The following NLGN1 variants were observed in gnomAD, a reference collection of about 807,000 sequenced individuals.
The protein encoded by NLGN1 is neuroligin 1.
Under a neutral mutation model 65.5 loss-of-function variants are expected in NLGN1, and 12 were observed. The ratio of observed to expected loss-of-function variants is 0.18; its 90% CI spans 0.12 to 0.30. The LOEUF is 0.30. NLGN1 is among the 10% of genes least tolerant of loss of function. NLGN1 has a pLI of 1.00. For synonymous variants in NLGN1, 350 were observed against 359.5 expected (o/e 0.97, Z 0.30); for missense variants, 750 against 1,007.1 (o/e 0.74, Z 3.46).
At chr3:173,568,435 T>C (rs910584682) in intron 2 of NLGN1, among the ~76,000 whole-genome samples, 1 of 152,096 alleles carries the variant, frequency 6.6e-6, no homozygotes, top group Non-Finnish European at 1.5e-5. Flanking sequence ...AGTTTTGCCA[T>C]GTTGGCCAGG....
intron 4 of NLGN1, among the ~76,000 whole-genome samples, chr3:173,895,691 T>C (rs1440313679): frequency 2.1e-5 from 3 of 144,736 alleles, no homozygotes; most frequent in African/African-American, 5.4e-5. Context: ...CCAAGGACCC[T>C]TTTTTTTTTC....
chr3:173,611,620 G>A (rs2149472262), intron 3 of NLGN1, among the ~76,000 whole-genome samples: 1 of 152,072 alleles, frequency 6.6e-6, no homozygotes, highest in Admixed American at 6.6e-5. Context: ...GGACAGATGT[G>A]GTTATGTCTT....
chr3:173,924,699 CA>C (rs1742700639), intron 4 of NLGN1, among the ~76,000 whole-genome samples: 1 of 151,552 alleles, frequency 6.6e-6, no homozygotes, highest in Non-Finnish European at 1.5e-5. Context: ...TATAACATGC[CA>C]ATATTTACTG....
chr3:173,545,658 G>A (rs1394353006), intron 2 of NLGN1, among the ~76,000 whole-genome samples: 2 of 152,038 alleles, frequency 1.3e-5, no homozygotes, highest in African/African-American at 4.8e-5. Context: ...GTTTATTGCA[G>A]CACTGTTCAC....
At chr3:174,001,122 A>G (rs750550915) in intron 4 of NLGN1, among the ~76,000 whole-genome samples, 5 of 152,208 alleles carry the variant, frequency 3.3e-5, no homozygotes, top group Non-Finnish European at 7.3e-5. Context: ...AAAACATTCT[A>G]AAATATTTTT....
intron 4 of NLGN1, among the ~76,000 whole-genome samples, chr3:173,814,975 T>G (rs1383648811): frequency 6.6e-6 from 1 of 152,062 alleles, no homozygotes; most frequent in Non-Finnish European, 1.5e-5. Flanking sequence ...AGTTTCCATT[T>G]CTTTTTTTCT....
chr3:173,771,665 A>G (rs1313833484), intron 3 of NLGN1, among the ~76,000 whole-genome samples: 1 of 26,010 alleles, frequency 3.8e-5, no homozygotes, highest in Non-Finnish European at 1.4e-4. Context: ...ACAAATTACC[A>G]AGAATGACCT....
intron 4 of NLGN1, among the ~76,000 whole-genome samples, chr3:174,168,123 A>C (rs13321046): frequency 0.17 from 25,944 of 151,896 alleles, 4,574 homozygotes; most frequent in African/African-American, 0.45. Context: ...TCCTGGATTG[A>C]TTTAGAGGAT....
At chr3:173,525,634 C>T (rs1735524936) in intron 2 of NLGN1, among the ~76,000 whole-genome samples, 1 of 151,842 alleles carries the variant, frequency 6.6e-6, no homozygotes, top group South Asian at 2.1e-4. Flanking sequence ...TTTTCTTCTG[C>T]TAGCTTTGGG....
At chr3:173,474,078 A>G (rs1025195304) in intron 2 of NLGN1, among the ~76,000 whole-genome samples, 1 of 151,276 alleles carries the variant, frequency 6.6e-6, no homozygotes, top group Non-Finnish European at 1.5e-5. Flanking sequence ...TACTGGGTGT[A>G]TTTTTTTTTC....
At chr3:174,255,310 C>T (rs1256786852) in intron 4 of NLGN1, among the ~76,000 whole-genome samples, 1 of 151,630 alleles carries the variant, frequency 6.6e-6, no homozygotes, top group Non-Finnish European at 1.5e-5. Context: ...TGGCGGGCAC[C>T]TTGTAGTCCC....
intron 3 of NLGN1, among the ~76,000 whole-genome samples, chr3:173,737,575 G>A (rs1380170293): frequency 6.6e-6 from 1 of 152,006 alleles, no homozygotes; most frequent in African/African-American, 2.4e-5. Flanking sequence ...TCACATCATA[G>A]CATGTATCAG....
At chr3:173,677,379 A>G (rs1421586048) in intron 3 of NLGN1, among the ~76,000 whole-genome samples, 1 of 152,064 alleles carries the variant, frequency 6.6e-6, no homozygotes, top group African/African-American at 2.4e-5. Context: ...CCTTTCTTGC[A>G]TGTAACTCCA....
intron 3 of NLGN1, among the ~76,000 whole-genome samples, chr3:173,738,180 T>C (rs1774081843): frequency 6.6e-6 from 1 of 152,004 alleles, no homozygotes; most frequent in African/African-American, 2.4e-5. Flanking sequence ...TTGCAAATAT[T>C]TTCTTTCATT....
intron 3 of NLGN1, among the ~76,000 whole-genome samples, chr3:173,740,948 G>A (rs1222467059): frequency 6.6e-6 from 1 of 152,090 alleles, no homozygotes; most frequent in African/African-American, 2.4e-5. Context: ...CAATTTCAAA[G>A]CCTACAGAAA....
At chr3:173,945,956 C>CT (rs1222096629) in intron 4 of NLGN1, among the ~76,000 whole-genome samples, 1 of 152,164 alleles carries the variant, frequency 6.6e-6, no homozygotes, top group African/African-American at 2.4e-5. Context: ...AGCCCTACAA[C>CT]TTTGAGTCAA....
At chr3:174,161,577 G>A (rs973993304) in intron 4 of NLGN1, among the ~76,000 whole-genome samples, 3 of 151,880 alleles carry the variant, frequency 2.0e-5, no homozygotes, top group African/African-American at 4.8e-5. Context: ...CCATCTCTCC[G>A]ACTGACTAAA....
chr3:173,920,715 A>G (rs1741823047), intron 4 of NLGN1: 1 of 152,166 alleles, frequency 6.6e-6, no homozygotes, highest in South Asian at 2.1e-4. Context: ...CTGCTGAAGG[A>G]GAAAAGATTG....
intron 4 of NLGN1, among the ~76,000 whole-genome samples, chr3:173,998,916 A>G (rs559644075): frequency 1.6e-4 from 25 of 152,320 alleles, no homozygotes; most frequent in South Asian, 1.5e-3. Flanking sequence ...ATTACCCATT[A>G]TAGTCTAATA....
Sources: allele counts gnomAD v4.1 joint callset (sites outside exome capture counted in the v4.1 genomes callset), GRCh38; gene constraint gnomAD v4.1.1; transcripts MANE v1.5; gene names NCBI Gene and HGNC (gene_info 2026-07-23, HGNC 2026-07-21).